The following RGS6 variants were observed in gnomAD, a reference collection of about 807,000 sequenced individuals.
The protein encoded by RGS6 is regulator of G protein signaling 6.
RGS6 carries 30 observed loss-of-function variants against 78.5 expected under a neutral mutation model. The ratio of observed to expected loss-of-function variants is 0.38; its 90% CI spans 0.29 to 0.52. The LOEUF (loss-of-function observed/expected upper bound fraction) is 0.52. Ranked by LOEUF, RGS6 falls within the 20% of genes least tolerant of loss-of-function variation. The pLI is 0.85. For missense variants in RGS6, 495 were observed against 609.7 expected (o/e 0.81, Z 1.98); for synonymous variants, 206 against 206.0 (o/e 1.00, Z 0.00).
At chr14:71,904,882 C>T in the RGS6 span, among the ~76,000 whole-genome samples, 11 of 147,404 alleles carry the variant, frequency 7.5e-5, no homozygotes, top group Middle Eastern at 3.2e-3. Flanking sequence ...ATAGTGCATA[C>T]TGGACTCCAT....
intron 3 of RGS6, among the ~76,000 whole-genome samples, chr14:72,368,633 C>T (rs1310530188): frequency 2.6e-5 from 4 of 152,108 alleles, no homozygotes; most frequent in Non-Finnish European, 5.9e-5. Flanking sequence ...TTCATTCATC[C>T]CAATTCTATC....
At chr14:71,893,023 C>T in the RGS6 span, among the ~76,000 whole-genome samples, 5 of 152,232 alleles carry the variant, frequency 3.3e-5, no homozygotes, top group African/African-American at 4.8e-5. Context: ...ACTTTTAAAA[C>T]GTTCACATTT....
chr14:72,601,905 T>C, the RGS6 span, among the ~76,000 whole-genome samples: 36 of 152,346 alleles, frequency 2.4e-4, no homozygotes, highest in African/African-American at 8.2e-4. Flanking sequence ...TTCTCTCCAG[T>C]TGGAAGCACC....
At chr14:72,056,737 A>G (rs772513129) in intron 2 of RGS6, among the ~76,000 whole-genome samples, 3 of 152,162 alleles carry the variant, frequency 2.0e-5, no homozygotes, top group Non-Finnish European at 4.4e-5. Context: ...TGGCCTATGT[A>G]TTTTTAATCA....
At chr14:72,242,997 C>T (rs751014432) in intron 2 of RGS6, among the ~76,000 whole-genome samples, 108 of 151,820 alleles carry the variant, frequency 7.1e-4, no homozygotes, top group Middle Eastern at 6.8e-3. Context: ...TACAGGCGCG[C>T]GCCACCACAC....
At chr14:72,417,012 T>C (rs1220752837) in intron 3 of RGS6, among the ~76,000 whole-genome samples, 1 of 152,196 alleles carries the variant, frequency 6.6e-6, no homozygotes, top group African/African-American at 2.4e-5. Flanking sequence ...CGACTGCTAC[T>C]ATGATTACCG....
At chr14:72,295,073 C>T (rs1355313901) in intron 2 of RGS6, among the ~76,000 whole-genome samples, 3 of 151,956 alleles carry the variant, frequency 2.0e-5, no homozygotes, top group African/African-American at 4.8e-5. Context: ...GGGCGGATCA[C>T]GAGGTCAGGA....
At chr14:72,256,713 A>G (rs847235) in intron 2 of RGS6, among the ~76,000 whole-genome samples, 47,819 of 152,116 alleles carry the variant, frequency 0.31, 8,288 homozygotes, top group South Asian at 0.43. Flanking sequence ...AGGTTGGCCT[A>G]TATCCAGAAG....
At chr14:72,360,636 A>G (rs769550974) in intron 3 of RGS6, among the ~76,000 whole-genome samples, 1 of 151,992 alleles carries the variant, frequency 6.6e-6, no homozygotes, top group Non-Finnish European at 1.5e-5. Flanking sequence ...AGATCTTCTC[A>G]TTGTCTCTAT....
intron 3 of RGS6, among the ~76,000 whole-genome samples, chr14:72,374,776 G>A (rs190721736): frequency 1.6e-4 from 25 of 152,274 alleles, no homozygotes; most frequent in Admixed American, 1.1e-3. Flanking sequence ...TAGATCATAC[G>A]AAATTGCCAT....
chr14:71,877,295 G>A, the RGS6 span, among the ~76,000 whole-genome samples: 11 of 152,194 alleles, frequency 7.2e-5, no homozygotes, highest in South Asian at 4.2e-4. Context: ...CATTCTCCCC[G>A]TCACTTTCAG....
intron 12 of RGS6, among the ~76,000 whole-genome samples, chr14:72,484,261 C>T (rs554140871): frequency 6.6e-6 from 1 of 152,270 alleles, no homozygotes; most frequent in East Asian, 1.9e-4. Context: ...GACTAATGGT[C>T]GTATCCCATA....
chr14:72,426,093 A>G (rs1209831895), intron 3 of RGS6, among the ~76,000 whole-genome samples: 4 of 152,144 alleles, frequency 2.6e-5, no homozygotes, highest in Non-Finnish European at 4.4e-5. Context: ...TATAATTATA[A>G]TATTTATGTT....
At chr14:72,042,598 C>G (rs1432322399) in intron 2 of RGS6, among the ~76,000 whole-genome samples, 1 of 152,066 alleles carries the variant, frequency 6.6e-6, no homozygotes, top group Non-Finnish European at 1.5e-5. Flanking sequence ...TAAATGTTCT[C>G]TATACACAGA....
At chr14:72,496,405 G>A (rs776444461) in intron 13 of RGS6, among the ~76,000 whole-genome samples, 13 of 152,322 alleles carry the variant, frequency 8.5e-5, no homozygotes, top group East Asian at 1.9e-4. Flanking sequence ...ATGATGATAC[G>A]CATCTTTGCA....
chr14:72,196,103 A>G lies in RGS6; in HGVS notation c.85-155992A>G, dbSNP rs115335907. Among the ~76,000 whole-genome samples the G allele has an allele frequency of 2.5e-3, 375 of 152,190 alleles. 1 individual carries two copies. The highest frequency in any genetic ancestry group is 8.7e-3 in the African/African-American group (362 of 41,534). Reference sequence around the variant, plus strand: ...AATGGGGGAGGGGGAGACTGAACCAAAGGAGATGCAGCGAGAATTCGAAAG... The same window carrying G: ...AATGGGGGAGGGGGAGACTGAACCAGAGGAGATGCAGCGAGAATTCGAAAG... On this transcript the variant is annotated intron_variant, in intron 2 of 17. Transcript: ENST00000553525.
chr14:72,551,029 G>A (rs368549554), intron 17 of RGS6, among the ~76,000 whole-genome samples: 3 of 152,186 alleles, frequency 2.0e-5, no homozygotes, highest in South Asian at 4.2e-4. Context: ...TAGTAGAGAC[G>A]GAGTTTCACC....
At chr14:71,877,819 C>G in the RGS6 span, among the ~76,000 whole-genome samples, 2 of 152,178 alleles carry the variant, frequency 1.3e-5, no homozygotes, top group African/African-American at 2.4e-5. Flanking sequence ...GTGGTTTTAT[C>G]TACCTTTGGC....
rs35367140 is a variant in RGS6 at position 72,148,129 on chromosome 14, T to TAA, written c.84+183279_84+183280dup. ...CTGGGTGACAGAGCAAGACTCCATC[T>TAA]AAAAAAAAAAAAAAAAAAAAAAAAA... On this transcript the variant is annotated intron_variant, in intron 2 of 17. Transcript: ENST00000553525. Among the ~76,000 whole-genome samples the TAA allele has an allele frequency of 3.0e-3, 201 of 67,552 alleles. 4 individuals are homozygous for TAA. Among genetic ancestry groups the TAA allele is most frequent in the South Asian group, 5.0e-3 (9 of 1,784 alleles). The allele number at this position is 67,552 out of a possible 152,430, so 44.3% of individuals were successfully genotyped here. A position where few individuals can be genotyped will look rare whatever the true frequency, so the allele number is the denominator to read the frequency against.
Sources: allele counts gnomAD v4.1 joint callset (sites outside exome capture counted in the v4.1 genomes callset), GRCh38; gene constraint gnomAD v4.1.1; transcripts MANE v1.5; gene names NCBI Gene and HGNC (gene_info 2026-07-23, HGNC 2026-07-21).